Variants in UBR4 observed in about 807,000 individuals in gnomAD.
The protein encoded by UBR4 is E3 ubiquitin-protein ligase UBR4.
In UBR4, 124 loss-of-function variants were observed where a neutral mutation model predicts 575.6. That is an observed-to-expected ratio of 0.22 (90% CI 0.19 to 0.25). The LOEUF (loss-of-function observed/expected upper bound fraction) is 0.25. Among genes scored for constraint, UBR4 ranks in the 10% least tolerant of loss-of-function variants. The probability of loss-of-function intolerance (pLI) is 1.00; values close to 1 mark genes in which losing one functional copy is unlikely to be tolerated. For synonymous variants in UBR4, 2,455 were observed against 2,473.7 expected, an observed-to-expected ratio of 0.99 and a Z score of 0.22; for missense variants, 4,818 against 6,478.8, an observed-to-expected ratio of 0.74 and a Z score of 8.80.
At position 19,160,093 on chromosome 1, in the gene UBR4, T is replaced by C. The variant is rs759164767; in HGVS notation, c.5577+18A>G. 6.9e-6 allele frequency: 11 copies of C among 1,595,936 alleles called. No homozygotes were observed. The highest frequency in any genetic ancestry group is 9.4e-6 in the Non-Finnish European group (11 of 1,170,648). ...TGGTTCCCACAGCCACCAAACATCA[T>C]GGCCCCAAGACACTCACCATCAGCT... On this transcript the variant is annotated intron_variant, in intron 39 of 105. Transcript: ENST00000375254.
intron 62 of UBR4, 138 bp downstream of exon 62, chr1:19,128,071 TTG>T (rs1333894758): frequency 1.2e-6 from 1 of 828,438 alleles, no homozygotes; most frequent in Admixed American, 2.2e-5. Flanking sequence ...GAATACGCTT[TTG>T]TTGACTCAAC....
At chr1:19,205,040 T>C (rs12758524) in intron 1 of UBR4, among the ~76,000 whole-genome samples, 20,593 of 152,002 alleles carry the variant, frequency 0.14, 1,485 homozygotes, top group Middle Eastern at 0.19. Flanking sequence ...GAGATAGAGG[T>C]GAAAGTACAT....
chr1:19,209,534 A>C (rs2093200072), intron 1 of UBR4, among the ~76,000 whole-genome samples: 1 of 152,224 alleles, frequency 6.6e-6, no homozygotes, highest in Non-Finnish European at 1.5e-5. Context: ...ACACACACTG[A>C]AATGTTTTTA....
At chr1:19,134,367 C>T (rs1293188236) in intron 60 of UBR4, among the ~76,000 whole-genome samples, 1 of 152,088 alleles carries the variant, frequency 6.6e-6, no homozygotes, top group African/African-American at 2.4e-5. Flanking sequence ...TTCAAGGTTG[C>T]AGTTAGCTAT....
rs2086549599 is a variant in UBR4, at chr1:19,157,063, G to C, written c.5761-138C>G. 1 of 975,176 alleles carries C rather than the reference G, an allele frequency of 1.0e-6. No homozygotes were observed. Among genetic ancestry groups the C allele is most frequent in the African/African-American group, 1.7e-5 (1 of 60,544 alleles). 60.4% of individuals were successfully genotyped at this position (975,176 alleles called of 1,614,324 possible). ...CAGATAAGTCTAGTAGAAAATCCTA[G>C]ATCAGTATTAGTCTCTATTACTCCT... On this transcript the variant is annotated intron_variant, in intron 40 of 105. Coordinates refer to ENST00000375254, the MANE Select transcript of UBR4 (RefSeq NM_020765.3). This position sits in a 1 kb window ranked among gnomAD's most constrained non-coding sequence, Gnocchi z 4.4.
At chr1:19,199,177 C>G (rs921881895) in intron 3 of UBR4, among the ~76,000 whole-genome samples, 3 of 152,202 alleles carry the variant, frequency 2.0e-5, no homozygotes, top group Non-Finnish European at 4.4e-5. Context: ...TTCTCACGCT[C>G]AAATAATTCA....
At chr1:19,112,475 C>T in intron 78 of UBR4, 49 bp downstream of exon 78, 5 of 1,549,820 alleles carry the variant, frequency 3.2e-6, no homozygotes, top group Non-Finnish European at 4.4e-6. Context: ...GCATGGCTGC[C>T]AGTGTCAGTA....
intron 60 of UBR4, among the ~76,000 whole-genome samples, chr1:19,133,145 G>A (rs1283876175): frequency 6.6e-6 from 1 of 151,976 alleles, no homozygotes; most frequent in African/African-American, 2.4e-5. Context: ...CCCTGACAAA[G>A]ACATCTCAAA....
chr1:19,116,153 T>C (rs2080504205), intron 73 of UBR4, among the ~76,000 whole-genome samples: 1 of 152,256 alleles, frequency 6.6e-6, no homozygotes, highest in Non-Finnish European at 1.5e-5. Context: ...GTACTTACTA[T>C]GTACTAGGCT....
intron 1 of UBR4, 43 bp downstream of exon 1, chr1:19,210,030 T>C (rs571387000): frequency 6.7e-7 from 1 of 1,496,268 alleles, no homozygotes; most frequent in Non-Finnish European, 8.9e-7. Flanking sequence ...CGAAATCCCC[T>C]CCCCCCACAA....
chr1:19,074,648 G>A lies in UBR4; in HGVS notation c.*184C>T. On this transcript the variant is annotated 3_prime_UTR_variant, in exon 106 of 106. Transcript: ENST00000375254. ...GGTTACAGACAACCTCATAGCTGGT[G>A]CACCACACACACGAGATAAAACAGG... 1.5e-6 allele frequency: 1 copy of A among 665,026 alleles called. No individual in the cohort carries two copies. The highest frequency in any genetic ancestry group is 2.6e-6 in the Non-Finnish European group (1 of 382,028). 41.2% of individuals were successfully genotyped at this position (665,026 alleles called of 1,614,324 possible).
At chr1:19,095,459 A>G in intron 93 of UBR4, 86 bp downstream of exon 93, 1 of 1,315,620 alleles carries the variant, frequency 7.6e-7, no homozygotes, top group Non-Finnish European at 1.1e-6. Context: ...CCGTGAGTCC[A>G]TTTCATCTGA....
In UBR4 at chr1:19,157,314, C is replaced by A. The variant is rs12038294; in HGVS notation, c.5761-389G>T. On this transcript the variant is annotated intron_variant, in intron 40 of 105. Transcript: ENST00000375254. This position sits in a 1 kb window ranked among gnomAD's most constrained non-coding sequence, Gnocchi z 4.4. ...AACAACATTAGTGGTGATGGAGAGG[C>A]CAGAATACAGAAAAGTGTGAGTTAA... 1.9e-3 allele frequency among the ~76,000 whole-genome samples: 288 copies of A among 152,302 alleles called. 7 individuals are homozygous for A. In the East Asian group the frequency reaches 0.045, roughly 24 times the overall value.
At chr1:19,164,715 T>C (rs1557862951) in intron 32 of UBR4, 84 bp downstream of exon 32, 3 of 1,511,414 alleles carry the variant, frequency 2.0e-6, no homozygotes, top group Non-Finnish European at 2.7e-6. Flanking sequence ...ATGCTAAGAC[T>C]GGTGCCCGAA....
At position 19,187,233 on chromosome 1, in the gene UBR4, A is replaced by T. The variant is rs1232414698; in HGVS notation, c.1563T>A (p.Ile521=). The T allele has an allele frequency of 2.5e-6, 4 of 1,613,944 alleles. No homozygotes were observed. In the African/African-American group the frequency reaches 5.3e-5, roughly 22 times the overall value. Residue 521 remains isoleucine (I), a synonymous_variant, in exon 13 of 106, where the codon ATT becomes ATA. Coordinates refer to ENST00000375254, the MANE Select transcript of UBR4 (RefSeq NM_020765.3). ...IMAQSTSIQR[I]QRLIDSVPLM... is the part of the protein sequence containing the mutation. ...GTGGGACAGAGTCAATCAGCCGTTGAATCCTCTGTATGGAGGTGCTCTGGG... is the reference window on the plus strand; with the variant it reads ...GTGGGACAGAGTCAATCAGCCGTTGTATCCTCTGTATGGAGGTGCTCTGGG...
At chr1:19,177,851 T>C in intron 18 of UBR4, 108 bp from the exon 19 acceptor site, 1 of 1,263,892 alleles carries the variant, frequency 7.9e-7, no homozygotes, top group Non-Finnish European at 1.1e-6. Flanking sequence ...GGCAGTAAGA[T>C]AACAAATTAA....
chr1:19,198,026 C>T lies in UBR4; in HGVS notation c.672G>A (p.Gln224=). 4 of 1,614,002 alleles carry T rather than the reference C, an allele frequency of 2.5e-6. No individual in the cohort carries two copies. The highest frequency in any genetic ancestry group is 3.4e-6 in the Non-Finnish European group (4 of 1,180,028). Residue 224 remains glutamine, a synonymous_variant, in exon 6 of 106, where the codon CAG becomes CAA. Transcript: ENST00000375254. ...TAGCTGAGGCTTGATCTGTAGATGA[C>T]TGCTCATCATTTTCTCCTTCCACCT... is the stretch of plus-strand genomic sequence containing the variant. ...QTLVEGENDE[Q]SSTDQASAIK...
intron 62 of UBR4, 118 bp from the exon 63 acceptor site, chr1:19,127,857 G>T: frequency 1.2e-6 from 1 of 812,586 alleles, no homozygotes. Flanking sequence ...GATTGAATCA[G>T]ACACAAAACA....
chr1:19,138,965 T>G, intron 59 of UBR4, 118 bp downstream of exon 59: 17 of 1,280,502 alleles, frequency 1.3e-5, no homozygotes, highest in Non-Finnish European at 1.5e-5. Context: ...TCCACAAGAC[T>G]TTCAATGAGT....
Sources: allele counts gnomAD v4.1 joint callset (sites outside exome capture counted in the v4.1 genomes callset), GRCh38; gene constraint gnomAD v4.1.1; non-coding constraint Gnocchi (gnomAD v3.1); transcripts MANE v1.5; gene names NCBI Gene and HGNC (gene_info 2026-07-23, HGNC 2026-07-21).